PCNX4: variants seen among roughly 807,000 people sequenced by gnomAD.
PCNX4 encodes the protein pecanex-like protein 4.
PCNX4 carries 103 observed loss-of-function variants against 107.2 expected under a neutral mutation model. The ratio of observed to expected loss-of-function variants is 0.96; its 90% CI spans 0.82 to 1.13. The LOEUF (loss-of-function observed/expected upper bound fraction) is 1.13, where lower values mean the gene tolerates loss of function less well. PCNX4 is among the 50% of genes most tolerant of loss of function. The pLI, the probability that PCNX4 is intolerant of heterozygous loss-of-function variation, is 0.00. For synonymous variants in PCNX4, 541 were observed against 481.7 expected, an observed-to-expected ratio of 1.12 and a Z score of -1.61; for missense variants, 1,528 against 1,379.4, an observed-to-expected ratio of 1.11 and a Z score of -1.71.
chr14:60,127,392 C>T (rs969456105), intron 10 of PCNX4, among the ~76,000 whole-genome samples: 8 of 152,128 alleles, frequency 5.3e-5, no homozygotes, highest in African/African-American at 1.7e-4. Context: ...CTGTTGAAAA[C>T]ATAGAGTAAC....
intron 1 of PCNX4, among the ~76,000 whole-genome samples, chr14:60,106,306 A>G (rs1190520657): frequency 6.6e-6 from 1 of 152,186 alleles, no homozygotes; most frequent in Non-Finnish European, 1.5e-5. Context: ...CCTGTACTTT[A>G]AATCATCTCT....
chr14:60,104,484 G>C (rs143141563), intron 1 of PCNX4, among the ~76,000 whole-genome samples: 2 of 152,220 alleles, frequency 1.3e-5, no homozygotes, highest in African/African-American at 4.8e-5. Flanking sequence ...GCTAAATATG[G>C]GGAATCAAGA....
At chr14:60,127,443 C>T (rs1050335142) in intron 10 of PCNX4, among the ~76,000 whole-genome samples, 3 of 151,294 alleles carry the variant, frequency 2.0e-5, no homozygotes, top group African/African-American at 7.4e-5. Context: ...GGTATGAACA[C>T]TTAACAGACA....
At chr14:60,132,594 A>C (rs903560634) in intron 10 of PCNX4, among the ~76,000 whole-genome samples, 3 of 152,218 alleles carry the variant, frequency 2.0e-5, no homozygotes, top group Non-Finnish European at 4.4e-5. Flanking sequence ...AAACAAAAGA[A>C]AAATAGATAA....
At chr14:60,133,872 T>C in intron 10 of PCNX4, 98 bp from the exon 11 acceptor site, 1 of 1,264,926 alleles carries the variant, frequency 7.9e-7, no homozygotes, top group South Asian at 1.5e-5. Flanking sequence ...GTTTGCCTAA[T>C]TACAATGCAA....
At chr14:60,098,604 C>T (rs370008533) in intron 1 of PCNX4, among the ~76,000 whole-genome samples, 60 of 152,266 alleles carry the variant, frequency 3.9e-4, no homozygotes, top group South Asian at 2.1e-3. Flanking sequence ...TACCATATAA[C>T]TTGTAAACCA....
chr14:60,119,626 T>C (rs1895918551), intron 7 of PCNX4, among the ~76,000 whole-genome samples: 1 of 152,220 alleles, frequency 6.6e-6, no homozygotes, highest in African/African-American at 2.4e-5. Flanking sequence ...ACAATACTTT[T>C]ATCCAGTGTT....
chr14:60,103,595 C>G (rs1216637736), intron 1 of PCNX4, among the ~76,000 whole-genome samples: 2 of 152,198 alleles, frequency 1.3e-5, no homozygotes, highest in Non-Finnish European at 2.9e-5. Flanking sequence ...CATACATTCT[C>G]TTTGTGCTTC....
chr14:60,098,767 C>T (rs1186397881), intron 1 of PCNX4, among the ~76,000 whole-genome samples: 2 of 151,856 alleles, frequency 1.3e-5, no homozygotes, highest in Admixed American at 6.6e-5. Context: ...GGTGAAACCC[C>T]TTCTCTGCTC....
chr14:60,135,592 A>T lies in PCNX4; in HGVS notation c.*1371A>T, dbSNP rs988166140. ...TTCCGAGATGGAATCTCGCTCTGTC[A>T]CCCAGGCTGGGGTGCAGTGGCACGA... On this transcript the variant is annotated 3_prime_UTR_variant, in exon 11 of 11. Coordinates refer to ENST00000406854, the MANE Select transcript of PCNX4 (RefSeq NM_001330177.2). The T allele has an allele frequency of 1.3e-5, 2 of 151,220 alleles. No individual in the cohort carries two copies. The highest frequency in any genetic ancestry group is 2.9e-5 in the Non-Finnish European group (2 of 67,878). The allele number at this position is 151,220 out of a possible 1,614,324, so 9.4% of individuals were successfully genotyped here.
At chr14:60,121,978 GGTGTCC>G (rs1895964023) in intron 8 of PCNX4, among the ~76,000 whole-genome samples, 1 of 152,030 alleles carries the variant, frequency 6.6e-6, no homozygotes, top group African/African-American at 2.4e-5. Flanking sequence ...TTAACACAAG[GGTGTCC>G]CAGAGCCTAG....
At position 60,143,269 on chromosome 14, in the gene PCNX4, G is replaced by T. The variant is rs1042872007; in HGVS notation, c.*9048G>T. 1 of 152,120 alleles carries T rather than the reference G, an allele frequency of 6.6e-6. No individual in the cohort carries two copies. Among genetic ancestry groups the T allele is most frequent in the African/African-American group, 2.4e-5 (1 of 41,412 alleles). 9.4% of individuals were successfully genotyped at this position (152,120 alleles called of 1,614,324 possible). On this transcript the variant is annotated 3_prime_UTR_variant, in exon 11 of 11. Transcript: ENST00000406854. Reference sequence around the variant, plus strand: ...AAATCTCCCTTTTCTGAACTATTATGCTTATAGTCTGTACCAGGCCACATG... The same window carrying T: ...AAATCTCCCTTTTCTGAACTATTATTCTTATAGTCTGTACCAGGCCACATG...
intron 8 of PCNX4, among the ~76,000 whole-genome samples, chr14:60,123,724 A>T: frequency 6.6e-6 from 1 of 152,142 alleles, no homozygotes; most frequent in Admixed American, 6.6e-5. Context: ...CAAAGAAGTA[A>T]ATCTGCATTC....
rs1266491636 is a variant in PCNX4, at chr14:60,134,209, A to T, written c.3507A>T (p.Ile1169=). ...YPIYSSKPLH[I]HLY ...TTTATTCTTCAAAACCTCTCCACAT[A>T]CATTTGTATTAGAGCTCATTTTGAC... The change falls in exon 11 of 11, where the codon ATA becomes ATT. Residue 1169 remains isoleucine (I), a synonymous_variant. Coordinates refer to ENST00000406854, the MANE Select transcript of PCNX4 (RefSeq NM_001330177.2). 1.2e-6 allele frequency: 2 copies of T among 1,613,402 alleles called. No homozygotes were observed. The highest frequency in any genetic ancestry group is 1.7e-6 in the Non-Finnish European group (2 of 1,179,570).
chr14:60,117,387 A>G (rs905822883), intron 6 of PCNX4, among the ~76,000 whole-genome samples: 1 of 152,214 alleles, frequency 6.6e-6, no homozygotes, highest in African/African-American at 2.4e-5. Context: ...GTACTGTAAC[A>G]TTCAGTACAG....
intron 1 of PCNX4, among the ~76,000 whole-genome samples, chr14:60,099,834 C>G (rs1388655855): frequency 6.6e-6 from 1 of 152,054 alleles, no homozygotes; most frequent in African/African-American, 2.4e-5. Flanking sequence ...GAGGCTGAGG[C>G]AGGCAGATCT....
chr14:60,105,299 G>C (rs1045606819), intron 1 of PCNX4, among the ~76,000 whole-genome samples: 5 of 152,180 alleles, frequency 3.3e-5, no homozygotes, highest in East Asian at 3.9e-4. Flanking sequence ...ATTAGGGAAG[G>C]GAGGAGAGGA....
At chr14:60,119,115 G>T (rs149723261) in intron 7 of PCNX4, among the ~76,000 whole-genome samples, 1 of 152,268 alleles carries the variant, frequency 6.6e-6, no homozygotes, top group African/African-American at 2.4e-5. Context: ...GGAGCAGATG[G>T]AGTTTTGTTC....
intron 1 of PCNX4, among the ~76,000 whole-genome samples, chr14:60,097,828 A>G (rs1895454150): frequency 6.6e-6 from 1 of 152,162 alleles, no homozygotes; most frequent in Non-Finnish European, 1.5e-5. Context: ...ACTCATGACC[A>G]TTTCACACAC....
Sources: gnomAD v4.1 joint callset for allele counts (sites outside exome capture counted in the v4.1 genomes callset) on GRCh38, gnomAD v4.1.1 for gene constraint, MANE v1.5 for transcripts, NCBI Gene and HGNC (gene_info 2026-07-23, HGNC 2026-07-21) for gene names.